TMOD3: variants seen among roughly 807,000 people sequenced by gnomAD.
TMOD3 encodes tropomodulin 3.
TMOD3 carries 20 observed loss-of-function variants against 39.2 expected under a neutral mutation model. That is an observed-to-expected ratio of 0.51 (90% confidence interval 0.36 to 0.74). The LOEUF (loss-of-function observed/expected upper bound fraction) is 0.74, where lower values mean the gene tolerates loss of function less well. Ranked by LOEUF, TMOD3 falls within the 30% of genes least tolerant of loss-of-function variation. The probability of loss-of-function intolerance (pLI) is 0.00; values close to 1 mark genes in which losing one functional copy is unlikely to be tolerated. For synonymous variants in TMOD3, 143 were observed against 145.8 expected (o/e 0.98, Z 0.14); for missense variants, 381 against 412.8 (o/e 0.92, Z 0.67).
intron 3 of TMOD3, among the ~76,000 whole-genome samples, chr15:51,882,407 G>A (rs550435365): frequency 1.3e-5 from 2 of 151,968 alleles, no homozygotes; most frequent in Admixed American, 6.5e-5. Flanking sequence ...GCTGAGGTAC[G>A]AGAATCGCTT....
chr15:51,859,621 T>G (rs1691019744), intron 1 of TMOD3: 1 of 539,348 alleles, frequency 1.9e-6, no homozygotes, highest in South Asian at 1.6e-5. Flanking sequence ...TCTTCTTGGC[T>G]TTTGGCACCT....
intron 2 of TMOD3, 128 bp downstream of exon 2, chr15:51,863,138 A>C (rs576484573): frequency 1.0e-6 from 1 of 983,496 alleles, no homozygotes. Context: ...TATCCAAATC[A>C]AGTTGCTTTT....
chr15:51,896,986 C>A (rs143466652), intron 7 of TMOD3, among the ~76,000 whole-genome samples: 1 of 152,294 alleles, frequency 6.6e-6, no homozygotes. Context: ...TATTGATTGA[C>A]TTTTATATGT....
intron 1 of TMOD3, among the ~76,000 whole-genome samples, chr15:51,836,683 T>C (rs2570237): frequency 0.47 from 69,228 of 148,062 alleles, 16,288 homozygotes; most frequent in Admixed American, 0.54. Context: ...CGAGATCATG[T>C]CACTGCACTC....
chr15:51,901,857 T>TAG, intron 8 of TMOD3, 35 bp from the exon 9 acceptor site: 1 of 1,597,170 alleles, frequency 6.3e-7, no homozygotes, highest in East Asian at 2.2e-5. Flanking sequence ...TTGATCTAGT[T>TAG]TATTAATATT....
intron 3 of TMOD3, among the ~76,000 whole-genome samples, chr15:51,884,875 A>G (rs905380541): frequency 6.6e-6 from 1 of 152,216 alleles, no homozygotes; most frequent in African/African-American, 2.4e-5. Flanking sequence ...CTGTGGGCTT[A>G]TTAAGTGAGA....
At chr15:51,830,503 A>C (rs528441909) in intron 1 of TMOD3, among the ~76,000 whole-genome samples, 87 of 152,302 alleles carry the variant, frequency 5.7e-4, no homozygotes, top group African/African-American at 2.0e-3. Context: ...CAGAAATGGG[A>C]AACAGCCACA....
intron 9 of TMOD3, among the ~76,000 whole-genome samples, chr15:51,906,562 CTT>C (rs1402095688): frequency 6.6e-6 from 1 of 152,192 alleles, no homozygotes; most frequent in Non-Finnish European, 1.5e-5. Flanking sequence ...ACATTACTAT[CTT>C]TACACTAGTT....
At chr15:51,899,673 A>C (rs1030664407) in intron 7 of TMOD3, among the ~76,000 whole-genome samples, 2 of 152,192 alleles carry the variant, frequency 1.3e-5, no homozygotes, top group Admixed American at 1.3e-4. Flanking sequence ...CTCAAAAAAA[A>C]AAAAAAGAAA....
intron 3 of TMOD3, among the ~76,000 whole-genome samples, chr15:51,885,284 CTTT>C (rs67378569): frequency 2.5e-4 from 32 of 126,964 alleles, no homozygotes; most frequent in Non-Finnish European, 3.0e-4. Flanking sequence ...TTTCTTTTTT[CTTT>C]TTTTTTTTTT....
At chr15:51,902,084 G>C in intron 9 of TMOD3, 48 bp downstream of exon 9, 1 of 1,591,812 alleles carries the variant, frequency 6.3e-7, no homozygotes, top group Admixed American at 1.9e-5. Context: ...ACAAGCTAAC[G>C]TATTGGGGGA....
chr15:51,869,284 A>C lies in TMOD3; in HGVS notation c.194A>C (p.Asp65Ala), dbSNP rs771860165. The part of the protein sequence containing the change: ...QTSKSTTGPF[D>A]REHLLSYLEK... ...TCAAAGTCCACCACAGGGCCATTTG[A>C]TAGAGAGCATCTCCTTTCATATCTG... The change falls in exon 3 of 10, where the codon GAT becomes GCT. Residue 65 changes from aspartate (D) to alanine (A), a missense_variant. Physicochemically the swap from Asp to Ala is moderately radical, Grantham distance 126 (BLOSUM62 -2). Transcript: ENST00000308580. The C allele has an allele frequency of 3.7e-6, 6 of 1,614,112 alleles. No individual in the cohort carries two copies. The highest frequency in any genetic ancestry group is 5.1e-6 in the Non-Finnish European group (6 of 1,180,044).
At chr15:51,895,855 T>C (rs769449949) in intron 6 of TMOD3, among the ~76,000 whole-genome samples, 3 of 152,118 alleles carry the variant, frequency 2.0e-5, no homozygotes, top group Non-Finnish European at 4.4e-5. Flanking sequence ...ATGCCTGTAA[T>C]CCCAGCACTT....
intron 3 of TMOD3, among the ~76,000 whole-genome samples, chr15:51,883,771 C>T (rs2056546388): frequency 6.6e-6 from 1 of 152,098 alleles, no homozygotes; most frequent in South Asian, 2.1e-4. Context: ...AAAGCTCTCA[C>T]AGTGAAGCCA....
intron 7 of TMOD3, among the ~76,000 whole-genome samples, chr15:51,897,726 G>T (rs867691466): frequency 7.6e-6 from 1 of 132,118 alleles, no homozygotes; most frequent in Non-Finnish European, 1.5e-5. Context: ...CTTGTGATCC[G>T]CCCACCTCAA....
chr15:51,842,063 A>C (rs1330831168), intron 1 of TMOD3, among the ~76,000 whole-genome samples: 1 of 152,228 alleles, frequency 6.6e-6, no homozygotes, highest in East Asian at 1.9e-4. Flanking sequence ...GGCGTGAGCC[A>C]CTGTGCCTGG....
chr15:51,875,908 G>A (rs1416420271), intron 3 of TMOD3, among the ~76,000 whole-genome samples: 2 of 152,050 alleles, frequency 1.3e-5, no homozygotes, highest in African/African-American at 2.4e-5. Flanking sequence ...GTGAGCCACC[G>A]TGCCCGGCCT....
intron 4 of TMOD3, among the ~76,000 whole-genome samples, chr15:51,888,506 CA>C (rs2056576844): frequency 6.6e-6 from 1 of 151,954 alleles, no homozygotes; most frequent in Non-Finnish European, 1.5e-5. Context: ...TATTTGTGCA[CA>C]AGGGCATCAA....
At chr15:51,866,838 T>C (rs2141687578) in intron 2 of TMOD3, among the ~76,000 whole-genome samples, 1 of 152,334 alleles carries the variant, frequency 6.6e-6, no homozygotes, top group Non-Finnish European at 1.5e-5. Context: ...TTTGCCCTCA[T>C]GACGCAGGCT....
Sources: gnomAD v4.1 joint callset for allele counts (sites outside exome capture counted in the v4.1 genomes callset) on GRCh38, gnomAD v4.1.1 for gene constraint, MANE v1.5 for transcripts, NCBI Gene and HGNC (gene_info 2026-07-23, HGNC 2026-07-21) for gene names.